The following MAST2 variants were observed in gnomAD, a reference collection of about 807,000 sequenced individuals.
MAST2 encodes the protein microtubule-associated serine/threonine-protein kinase 2.
A neutral mutation model predicts 147.4 loss-of-function variants in MAST2; 70 were observed. That is an observed-to-expected ratio of 0.47 (90% CI 0.39 to 0.58). The LOEUF (loss-of-function observed/expected upper bound fraction) is 0.58. MAST2 is among the 20% of genes least tolerant of loss of function. The probability of loss-of-function intolerance (pLI) is 0.00; values close to 1 mark genes in which losing one functional copy is unlikely to be tolerated. For missense variants in MAST2, 2,080 were observed against 2,302.3 expected, an observed-to-expected ratio of 0.90 and a Z score of 1.98; for synonymous variants, 869 against 896.8, an observed-to-expected ratio of 0.97 and a Z score of 0.55.
intron 5 of MAST2, among the ~76,000 whole-genome samples, chr1:45,979,361 G>A (rs1193289679): frequency 6.6e-6 from 1 of 151,570 alleles, no homozygotes; most frequent in East Asian, 1.9e-4. Context: ...TCCTCCAGCT[G>A]CTAAAATCGA....
intron 5 of MAST2, among the ~76,000 whole-genome samples, chr1:45,979,775 G>C (rs1253486032): frequency 6.6e-6 from 1 of 152,094 alleles, no homozygotes; most frequent in Non-Finnish European, 1.5e-5. Flanking sequence ...TTTTGAGGCT[G>C]CAATGAGCTA....
chr1:46,007,255 A>C (rs80079200), intron 8 of MAST2, among the ~76,000 whole-genome samples: 1 of 152,160 alleles, frequency 6.6e-6, no homozygotes, highest in South Asian at 2.1e-4. Context: ...CCTCCCAGAA[A>C]GAATCCCCTC....
chr1:45,804,857 T>C (rs1419801527), intron 1 of MAST2, among the ~76,000 whole-genome samples: 2 of 152,332 alleles, frequency 1.3e-5, no homozygotes, highest in East Asian at 3.9e-4. Context: ...GTAATAAGTT[T>C]AGTGAAAGGA....
intron 4 of MAST2, among the ~76,000 whole-genome samples, chr1:45,885,147 C>A (rs542494371): frequency 1.3e-5 from 2 of 152,158 alleles, no homozygotes; most frequent in Non-Finnish European, 2.9e-5. Context: ...ATAGCCTGAT[C>A]TGGAAAATTT....
chr1:45,879,149 A>T (rs915771571), intron 3 of MAST2, among the ~76,000 whole-genome samples: 1 of 149,870 alleles, frequency 6.7e-6, no homozygotes, highest in Admixed American at 6.7e-5. Flanking sequence ...CAGAAAGGTT[A>T]AAAAAAAAAT....
intron 5 of MAST2, among the ~76,000 whole-genome samples, chr1:45,970,913 T>C (rs1033907936): frequency 6.6e-6 from 1 of 152,102 alleles, no homozygotes; most frequent in Non-Finnish European, 1.5e-5. Context: ...TTTATTTATT[T>C]TTATAACTTG....
chr1:45,831,303 CTTGAAGATATAAGCCTT>C (rs1298870926), intron 3 of MAST2, among the ~76,000 whole-genome samples: 1 of 152,108 alleles, frequency 6.6e-6, no homozygotes, highest in Non-Finnish European at 1.5e-5. Flanking sequence ...CTCATCTACA[CTTGAAGATATAAGCCTT>C]TTGGGTCAAC....
In MAST2 at chr1:45,906,602, ATTG is replaced by A. The variant is rs1035642356; in HGVS notation, c.500+24210_500+24212del. ...ATTATTATATAATGTTGTATATATTATTGTTATTATATAATTATATTATATGTT... is the reference window on the plus strand; with the variant it reads ...ATTATTATATAATGTTGTATATATTATTATTATATAATTATATTATATGTT... On this transcript the variant is annotated intron_variant, in intron 4 of 28. Coordinates refer to ENST00000361297, the MANE Select transcript of MAST2 (RefSeq NM_015112.3). 2.0e-4 allele frequency among the ~76,000 whole-genome samples: 30 copies of A among 148,314 alleles called. No individual in the cohort carries two copies. The East Asian group carries it at 2.7e-3, about 13-fold the overall frequency.
intron 3 of MAST2, among the ~76,000 whole-genome samples, chr1:45,856,613 G>T (rs912792304): frequency 1.4e-4 from 21 of 152,180 alleles, no homozygotes; most frequent in African/African-American, 4.6e-4. Flanking sequence ...TTAAAAAAAC[G>T]TTCTGTCTTT....
intron 3 of MAST2, among the ~76,000 whole-genome samples, chr1:45,842,864 T>C (rs968311205): frequency 2.0e-5 from 3 of 152,162 alleles, no homozygotes; most frequent in Non-Finnish European, 4.4e-5. Context: ...CCAAACTGTT[T>C]TCTGTAATAG....
At chr1:45,806,602 G>C (rs994170371) in intron 1 of MAST2, among the ~76,000 whole-genome samples, 2 of 152,038 alleles carry the variant, frequency 1.3e-5, no homozygotes, top group Non-Finnish European at 2.9e-5. Context: ...TTTTGAGACA[G>C]AGTCTTGCTC....
intron 5 of MAST2, among the ~76,000 whole-genome samples, chr1:45,959,822 ACTACCGTG>A (rs1303755105): frequency 6.6e-6 from 1 of 152,134 alleles, no homozygotes; most frequent in Non-Finnish European, 1.5e-5. Flanking sequence ...AATATTTTGT[ACTACCGTG>A]CCCAAGGATT....
At chr1:46,003,889 C>A (rs754395871) in intron 7 of MAST2, among the ~76,000 whole-genome samples, 51 of 152,220 alleles carry the variant, frequency 3.4e-4, no homozygotes, top group Non-Finnish European at 6.5e-4. Flanking sequence ...ACCTGCTGAC[C>A]CCATCCCCAT....
At position 45,834,301 on chromosome 1, in the gene MAST2, C is replaced by G. The variant is rs115549495; in HGVS notation, c.468+4720C>G. On this transcript the variant is annotated intron_variant, in intron 3 of 28. Transcript: ENST00000361297. ...CTAGTTATAATTATTGGAATGATAA[C>G]TGGTAGGAGGTTAGACTTGACCAGA... Among the ~76,000 whole-genome samples, 7 of 152,202 alleles carry G rather than the reference C, an allele frequency of 4.6e-5. No homozygotes were observed. The East Asian group carries it at 1.3e-3, about 29-fold the overall frequency.
chr1:45,966,327 T>C (rs985898976), intron 5 of MAST2, among the ~76,000 whole-genome samples: 4 of 152,060 alleles, frequency 2.6e-5, no homozygotes, highest in Admixed American at 1.3e-4. Flanking sequence ...TAAACATCTG[T>C]GTATAGGTTT....
chr1:46,007,348 G>A (rs1645528167), intron 8 of MAST2, among the ~76,000 whole-genome samples: 1 of 152,152 alleles, frequency 6.6e-6, no homozygotes, highest in African/African-American at 2.4e-5. Flanking sequence ...AGAGATTGAT[G>A]AAGATGGTAT....
At chr1:45,820,893 C>CTTTTTTTTTTTTTTTTTTTTT (rs769508054) in intron 1 of MAST2, among the ~76,000 whole-genome samples, 3 of 43,078 alleles carry the variant, frequency 7.0e-5, no homozygotes, top group African/African-American at 9.8e-5. Context: ...CTTTCTTTCT[C>CTTTTTTTTTTTTTTTTTTTTT]TTTTTTTTTT....
rs1250511162 is a variant in MAST2, at chr1:46,035,915, C to T, written c.5246C>T (p.Ala1749Val). 1.4e-5 allele frequency: 22 copies of T among 1,613,942 alleles called. No homozygotes were observed. Among genetic ancestry groups the T allele is most frequent in the Non-Finnish European group, 1.8e-5 (21 of 1,180,028 alleles). Residue 1749 changes from alanine (A) to valine (V), a missense_variant, in exon 29 of 29, where the codon GCC becomes GTC. Ala to Val is a moderately conservative substitution (Grantham distance 64, BLOSUM62 0). Around this residue, in one of 4 missense-constraint regions of MAST2, gnomAD observed 1,278 missense variants for 1,304.2 expected, o/e 0.98. Transcript: ENST00000361297. This position sits in a 1 kb window ranked among gnomAD's most constrained non-coding sequence, Gnocchi z 5.5. ...PALSITQVPD[A>V]SGDRRQDVPC... ...CTGAGCATCACCCAAGTGCCTGATG[C>T]CTCAGGTGACAGAAGGCAGGACGTT...
chr1:46,033,375 G>C (rs1184685991), intron 26 of MAST2, among the ~76,000 whole-genome samples: 2 of 151,556 alleles, frequency 1.3e-5, no homozygotes, highest in African/African-American at 4.9e-5. Context: ...GGAGGCAGAG[G>C]TTGCAGTGAG....
Sources: allele counts gnomAD v4.1 joint callset (sites outside exome capture counted in the v4.1 genomes callset), GRCh38; gene constraint gnomAD v4.1.1; regional missense constraint gnomAD v4.1.1; non-coding constraint Gnocchi (gnomAD v3.1); transcripts MANE v1.5; gene names NCBI Gene and HGNC (gene_info 2026-07-23, HGNC 2026-07-21).